Variants in ARHGEF28 observed in about 807,000 individuals in gnomAD.
The protein encoded by ARHGEF28 is 190 kDa guanine nucleotide exchange factor.
ARHGEF28 carries 152 observed loss-of-function variants against 206.6 expected under a neutral mutation model. The observed-to-expected ratio is 0.74, with a 90% confidence interval of 0.64 to 0.84. The LOEUF (loss-of-function observed/expected upper bound fraction) is 0.84, where lower values mean the gene tolerates loss of function less well. ARHGEF28 is among the 40% of genes least tolerant of loss of function. The probability of loss-of-function intolerance (pLI) is 0.00; values close to 1 mark genes in which losing one functional copy is unlikely to be tolerated. For synonymous variants in ARHGEF28, 763 were observed against 776.4 expected (o/e 0.98, Z 0.29); for missense variants, 2,028 against 2,073.2 (o/e 0.98, Z 0.42).
chr5:73,796,434 G>A (rs1480334515), intron 9 of ARHGEF28, among the ~76,000 whole-genome samples: 1 of 152,234 alleles, frequency 6.6e-6, no homozygotes, highest in East Asian at 1.9e-4. Flanking sequence ...GATTAATGGA[G>A]AAGGTGGGTA....
chr5:73,877,983 A>G (rs1052462105), intron 22 of ARHGEF28, among the ~76,000 whole-genome samples: 2 of 152,072 alleles, frequency 1.3e-5, no homozygotes, highest in Non-Finnish European at 2.9e-5. Context: ...TATCCTTGTT[A>G]ACTTTCTGTC....
Position 73,780,710 on chromosome 5 carries a change from C to T in ARHGEF28, c.875C>T (p.Thr292Ile), listed in dbSNP as rs755720846. 1.9e-6 allele frequency: 3 copies of T among 1,558,590 alleles called. No homozygotes were observed. Among genetic ancestry groups the T allele is most frequent in the Middle Eastern group, 1.7e-4 (1 of 6,014 alleles). ...FEPEARPEER[T>I]AMPSSGAETE... Reference sequence around the variant, plus strand: ...CCAGAAGCCAGGCCAGAGGAAAGAACAGCTATGCCCTCCAGCGGTGCAGAA... The same window carrying T: ...CCAGAAGCCAGGCCAGAGGAAAGAATAGCTATGCCCTCCAGCGGTGCAGAA... The change falls in exon 7 of 36, where the codon ACA becomes ATA. Residue 292 changes from threonine (T) to isoleucine (I), a missense_variant. Thr to Ile is a moderately conservative substitution (Grantham distance 89). This residue lies in a region of ARHGEF28 where 1,002 missense variants were observed against 1,015.3 expected (regional missense o/e 0.99). Coordinates refer to ENST00000513042, the MANE Select transcript of ARHGEF28 (RefSeq NM_001177693.2).
intron 2 of ARHGEF28, among the ~76,000 whole-genome samples, chr5:73,702,333 T>C (rs571528629): frequency 6.6e-6 from 1 of 152,212 alleles, no homozygotes; most frequent in Non-Finnish European, 1.5e-5. Flanking sequence ...ATTGAATACA[T>C]TCATATTGTT....
chr5:73,627,205 CT>C (rs1190590129), intron 1 of ARHGEF28: 3 of 152,298 alleles, frequency 2.0e-5, no homozygotes, highest in Non-Finnish European at 4.4e-5. Context: ...GCCTTGACCC[CT>C]GCCTGGGTAT....
At chr5:73,809,380 T>C (rs1185648449) in intron 9 of ARHGEF28, among the ~76,000 whole-genome samples, 1 of 152,202 alleles carries the variant, frequency 6.6e-6, no homozygotes, top group African/African-American at 2.4e-5. Flanking sequence ...AGTATAGATA[T>C]GATTCCATTC....
At chr5:73,920,870 G>A (rs1046895972) in intron 35 of ARHGEF28, among the ~76,000 whole-genome samples, 6 of 152,260 alleles carry the variant, frequency 3.9e-5, no homozygotes, top group African/African-American at 1.4e-4. Context: ...AATGAATCCA[G>A]TGCTGTCGCT....
At chr5:73,684,796 G>A in intron 1 of ARHGEF28, 45 bp from the exon 2 acceptor site, 2 of 1,579,434 alleles carry the variant, frequency 1.3e-6, no homozygotes, top group East Asian at 2.3e-5. Flanking sequence ...TCGGTTCCAT[G>A]GGGCCTCCTG....
chr5:73,895,901 C>T (rs1229738047), intron 29 of ARHGEF28, among the ~76,000 whole-genome samples: 1 of 152,170 alleles, frequency 6.6e-6, no homozygotes, highest in Non-Finnish European at 1.5e-5. Flanking sequence ...AATCAGCCAT[C>T]TTTATTTCCC....
chr5:73,657,931 A>G (rs1012983237), intron 1 of ARHGEF28, among the ~76,000 whole-genome samples: 6 of 152,134 alleles, frequency 3.9e-5, no homozygotes, highest in African/African-American at 1.2e-4. Context: ...GAGACCATTA[A>G]AACACTTCAG....
chr5:73,847,870 G>A (rs1758461703), intron 12 of ARHGEF28, among the ~76,000 whole-genome samples: 2 of 152,150 alleles, frequency 1.3e-5, no homozygotes, highest in African/African-American at 4.8e-5. Context: ...TGACGTCTAG[G>A]CCCGGTAGGT....
At chr5:73,923,080 C>T in intron 35 of ARHGEF28, 2 of 1,535,084 alleles carry the variant, frequency 1.3e-6, no homozygotes, top group Non-Finnish European at 1.7e-6. Context: ...CCATATTTTG[C>T]ATTCAGGCTC....
intron 35 of ARHGEF28, among the ~76,000 whole-genome samples, chr5:73,929,980 T>TA (rs35644234): frequency 4.4e-5 from 2 of 45,096 alleles, no homozygotes; most frequent in African/African-American, 3.7e-4. Flanking sequence ...TAAACTGCTA[T>TA]ATTTCACTTT....
intron 7 of ARHGEF28, among the ~76,000 whole-genome samples, chr5:73,785,877 T>TAA (rs1371253047): frequency 6.6e-6 from 1 of 151,928 alleles, no homozygotes; most frequent in Non-Finnish European, 1.5e-5. Flanking sequence ...TCTCACCGGC[T>TAA]CAAAGTGGCT....
At chr5:73,793,823 C>G (rs1296934354) in intron 7 of ARHGEF28, among the ~76,000 whole-genome samples, 1 of 149,446 alleles carries the variant, frequency 6.7e-6, no homozygotes, top group Admixed American at 6.6e-5. Context: ...TTCTTCATCC[C>G]AGTACATCCT....
At chr5:73,820,485 C>T (rs1016156036) in intron 9 of ARHGEF28, among the ~76,000 whole-genome samples, 3 of 152,080 alleles carry the variant, frequency 2.0e-5, no homozygotes, top group Non-Finnish European at 4.4e-5. Flanking sequence ...GGCCTAGGCT[C>T]TTCCCTGAGG....
chr5:73,664,859 G>A (rs1745848429), intron 1 of ARHGEF28, among the ~76,000 whole-genome samples: 1 of 152,140 alleles, frequency 6.6e-6, no homozygotes, highest in African/African-American at 2.4e-5. Flanking sequence ...CTAGACACAA[G>A]TCATCACATT....
chr5:73,697,414 A>G (rs1351422940), intron 2 of ARHGEF28, among the ~76,000 whole-genome samples: 3 of 152,252 alleles, frequency 2.0e-5, no homozygotes, highest in Non-Finnish European at 1.5e-5. Flanking sequence ...TATAAGAAAC[A>G]AAATGTATAT....
At chr5:73,768,311 C>T (rs1447018258) in intron 4 of ARHGEF28, among the ~76,000 whole-genome samples, 9 of 152,134 alleles carry the variant, frequency 5.9e-5, no homozygotes, top group South Asian at 2.1e-4. Flanking sequence ...TGACAGCTTG[C>T]GCTGTGTGCC....
chr5:73,895,957 A>G (rs1340040662), intron 29 of ARHGEF28, among the ~76,000 whole-genome samples: 2 of 152,196 alleles, frequency 1.3e-5, no homozygotes, highest in African/African-American at 2.4e-5. Flanking sequence ...GGTCTGAAGT[A>G]GGGTTCACTG....
Sources: gnomAD v4.1 joint callset for allele counts (sites outside exome capture counted in the v4.1 genomes callset) on GRCh38, gnomAD v4.1.1 for gene constraint, gnomAD v4.1.1 regional missense constraint, MANE v1.5 for transcripts, NCBI Gene and HGNC (gene_info 2026-07-23, HGNC 2026-07-21) for gene names.